TSC22D1: variants seen among roughly 807,000 people sequenced by gnomAD.
TSC22D1 encodes TSC22 domain family member 1, also known as TSC22 domain family protein 1.
A neutral mutation model predicts 74.2 loss-of-function variants in TSC22D1; 9 were observed. The ratio of observed to expected loss-of-function variants is 0.12; its 90% CI spans 0.07 to 0.21. TSC22D1 has a LOEUF of 0.21. Ranked by LOEUF, TSC22D1 falls within the 10% of genes least tolerant of loss-of-function variation. The probability of loss-of-function intolerance (pLI) is 1.00; values close to 1 mark genes in which losing one functional copy is unlikely to be tolerated. For synonymous variants in TSC22D1, 586 were observed against 492.5 expected (o/e 1.19, Z -2.51); for missense variants, 1,427 against 1,304.7 (o/e 1.09, Z -1.44).
chr13:44,570,500 A>C (rs938460098), intron 1 of TSC22D1, among the ~76,000 whole-genome samples: 1 of 152,154 alleles, frequency 6.6e-6, no homozygotes, highest in African/African-American at 2.4e-5. Context: ...CCTGACATTA[A>C]GACCTTTTAA....
At chr13:44,552,635 A>G (rs74723083) in intron 1 of TSC22D1, among the ~76,000 whole-genome samples, 2,304 of 152,320 alleles carry the variant, frequency 0.015, 45 homozygotes, top group African/African-American at 0.052. Flanking sequence ...CTTGTTACAA[A>G]CACTCTCACA....
At chr13:44,493,883 A>G (rs906257683) in intron 1 of TSC22D1, among the ~76,000 whole-genome samples, 2 of 152,096 alleles carry the variant, frequency 1.3e-5, no homozygotes, top group African/African-American at 4.8e-5. Flanking sequence ...ACAAGCTAAC[A>G]AACAGACACT....
chr13:44,537,855 T>C (rs1305712280), intron 1 of TSC22D1: 4 of 985,064 alleles, frequency 4.1e-6, no homozygotes, highest in African/African-American at 1.7e-5. Flanking sequence ...TCTAAAACTT[T>C]TGAGATTTCC....
rs1380066282 is a variant in TSC22D1 at position 44,434,565 on chromosome 13, G to C, written c.*61C>G. On this transcript the variant is annotated 3_prime_UTR_variant, in exon 3 of 3. Coordinates refer to ENST00000458659, the MANE Select transcript of TSC22D1 (RefSeq NM_183422.4). Reference sequence around the variant, plus strand: ...TGACTGTGGAGGCAGATTCTCCCTAGCACATCTTCTCCGTCTGTTCAGTTC... The same window carrying C: ...TGACTGTGGAGGCAGATTCTCCCTACCACATCTTCTCCGTCTGTTCAGTTC... The C allele has an allele frequency of 3.4e-6, 5 of 1,490,726 alleles. No homozygotes were observed. The African/African-American group carries it at 5.7e-5, about 17-fold the overall frequency. 92.3% of individuals were successfully genotyped at this position (1,490,726 alleles called of 1,614,324 possible).
At chr13:44,538,199 A>G in intron 1 of TSC22D1, 2 of 985,286 alleles carry the variant, frequency 2.0e-6, no homozygotes, top group Non-Finnish European at 2.4e-6. Flanking sequence ...AAATACCTCA[A>G]GTTTAACAGG....
chr13:44,450,066 C>T (rs370148568), intron 1 of TSC22D1, among the ~76,000 whole-genome samples: 12 of 152,298 alleles, frequency 7.9e-5, no homozygotes, highest in African/African-American at 2.6e-4. Context: ...TGATGGTTAG[C>T]AGAAAGCAGC....
chr13:44,533,131 G>T (rs1880946237), intron 1 of TSC22D1, among the ~76,000 whole-genome samples: 1 of 152,146 alleles, frequency 6.6e-6, no homozygotes, highest in African/African-American at 2.4e-5. Flanking sequence ...AAGTAAAAAT[G>T]GCATGGGAGC....
chr13:44,569,314 T>C (rs1157406022), intron 1 of TSC22D1, among the ~76,000 whole-genome samples: 6 of 152,206 alleles, frequency 3.9e-5, no homozygotes, highest in African/African-American at 1.4e-4. Flanking sequence ...GAGCAGGCTA[T>C]ATTACATATC....
intron 1 of TSC22D1, among the ~76,000 whole-genome samples, chr13:44,566,288 C>G (rs771213544): frequency 6.6e-6 from 1 of 152,122 alleles, no homozygotes; most frequent in Non-Finnish European, 1.5e-5. Context: ...TGCTTTACTG[C>G]TATGTATGTA....
chr13:44,472,221 G>A (rs956269983), intron 1 of TSC22D1, among the ~76,000 whole-genome samples: 1 of 152,104 alleles, frequency 6.6e-6, no homozygotes, highest in Non-Finnish European at 1.5e-5. Flanking sequence ...GGCATCCATG[G>A]GGAGTCTTAG....
intron 1 of TSC22D1, among the ~76,000 whole-genome samples, chr13:44,495,283 T>G (rs1240355695): frequency 7.0e-6 from 1 of 142,698 alleles, no homozygotes; most frequent in African/African-American, 2.6e-5. Flanking sequence ...GTGACATATT[T>G]AAAATGCTAA....
At chr13:44,562,552 C>T (rs1315078678) in intron 1 of TSC22D1, among the ~76,000 whole-genome samples, 2 of 152,032 alleles carry the variant, frequency 1.3e-5, no homozygotes, top group East Asian at 1.9e-4. Context: ...AAGATGTACA[C>T]CACTTCCTTT....
intron 1 of TSC22D1, among the ~76,000 whole-genome samples, chr13:44,550,844 A>G (rs932052418): frequency 2.6e-5 from 4 of 151,952 alleles, no homozygotes; most frequent in African/African-American, 7.3e-5. Context: ...CGGGAGGCCA[A>G]CGTGGGAGAA....
At chr13:44,572,230 C>A (rs79124198) in intron 1 of TSC22D1, among the ~76,000 whole-genome samples, 5,177 of 152,152 alleles carry the variant, frequency 0.034, 268 homozygotes, top group African/African-American at 0.11. Context: ...GATTTCACAA[C>A]TTTTTTAGCC....
chr13:44,444,275 T>G (rs1413877555), intron 1 of TSC22D1, among the ~76,000 whole-genome samples: 1 of 39,420 alleles, frequency 2.5e-5, no homozygotes. Flanking sequence ...CAAGACTCTG[T>G]CTCAAAAAAA....
At chr13:44,440,623 A>G (rs1361818773) in intron 1 of TSC22D1, among the ~76,000 whole-genome samples, 1 of 151,866 alleles carries the variant, frequency 6.6e-6, no homozygotes, top group African/African-American at 2.4e-5. Context: ...ATCGGAAAAG[A>G]AAAAGGATAA....
intron 1 of TSC22D1, among the ~76,000 whole-genome samples, chr13:44,440,565 G>A (rs1323250727): frequency 2.1e-5 from 3 of 139,626 alleles, no homozygotes; most frequent in African/African-American, 8.3e-5. Flanking sequence ...TCCAGCCTAG[G>A]CAACAGGGCA....
intron 1 of TSC22D1, among the ~76,000 whole-genome samples, chr13:44,571,496 C>A (rs1883763423): frequency 6.6e-6 from 1 of 152,236 alleles, no homozygotes; most frequent in Non-Finnish European, 1.5e-5. Context: ...ATGGCAATTA[C>A]AAAATCATGG....
chr13:44,519,641 C>G (rs1259384900), intron 1 of TSC22D1, among the ~76,000 whole-genome samples: 1 of 152,036 alleles, frequency 6.6e-6, no homozygotes, highest in Admixed American at 6.6e-5. Context: ...TCTACCCTAC[C>G]CATGAATCCC....
Sources: allele counts gnomAD v4.1 joint callset (sites outside exome capture counted in the v4.1 genomes callset), GRCh38; gene constraint gnomAD v4.1.1; transcripts MANE v1.5; gene names NCBI Gene and HGNC (gene_info 2026-07-23, HGNC 2026-07-21).